Variants in SEMA3E observed in about 807,000 individuals in gnomAD.
SEMA3E encodes semaphorin-3E.
A neutral mutation model predicts 93.6 loss-of-function variants in SEMA3E; 49 were observed. That is an observed-to-expected ratio of 0.52 (90% CI 0.42 to 0.66). The LOEUF (loss-of-function observed/expected upper bound fraction) is 0.66, where lower values mean the gene tolerates loss of function less well. Among genes scored for constraint, SEMA3E ranks in the 30% least tolerant of loss-of-function variants. The pLI is 0.00. For synonymous variants in SEMA3E, 363 were observed against 330.7 expected (o/e 1.10, Z -1.06); for missense variants, 906 against 964.8 (o/e 0.94, Z 0.81).
At chr7:83,396,857 T>A in intron 11 of SEMA3E, 128 bp from the exon 12 acceptor site, 1 of 644,230 alleles carries the variant, frequency 1.6e-6, no homozygotes, top group Non-Finnish European at 2.8e-6. Context: ...GATGGGTGTA[T>A]CTCTTGAGGT....
At chr7:83,372,871 A>C (rs1394701868) in intron 16 of SEMA3E, 1 of 152,136 alleles carries the variant, frequency 6.6e-6, no homozygotes, top group African/African-American at 2.4e-5. Flanking sequence ...AATGACTTAG[A>C]AATTTGTATC....
intron 1 of SEMA3E, among the ~76,000 whole-genome samples, chr7:83,581,695 T>C (rs755711786): frequency 2.0e-5 from 3 of 151,988 alleles, no homozygotes; most frequent in Non-Finnish European, 2.9e-5. Flanking sequence ...AAGTGATAAT[T>C]TCAATCTGGA....
At chr7:83,595,061 T>A (rs1584353407) in intron 1 of SEMA3E, among the ~76,000 whole-genome samples, 1 of 151,900 alleles carries the variant, frequency 6.6e-6, no homozygotes, top group East Asian at 1.9e-4. Flanking sequence ...ATCACCAGGT[T>A]GAGGGTAAAG....
intron 2 of SEMA3E, among the ~76,000 whole-genome samples, chr7:83,476,161 A>T (rs78929135): frequency 6.6e-6 from 1 of 152,176 alleles, no homozygotes; most frequent in African/African-American, 2.4e-5. Flanking sequence ...TTCAACGTCC[A>T]TTGATTGGCT....
intron 1 of SEMA3E, among the ~76,000 whole-genome samples, chr7:83,626,359 A>G (rs1230809848): frequency 6.6e-6 from 1 of 152,134 alleles, no homozygotes. Flanking sequence ...ATGGTAGGCT[A>G]TTAATTACTG....
chr7:83,600,515 T>TG, intron 1 of SEMA3E, among the ~76,000 whole-genome samples: 1 of 129,454 alleles, frequency 7.7e-6, no homozygotes, highest in Non-Finnish European at 1.6e-5. Context: ...TTTTTTTTTT[T>TG]TTTTTGTATT....
At chr7:83,434,890 T>G (rs957054661) in intron 4 of SEMA3E, among the ~76,000 whole-genome samples, 13 of 151,384 alleles carry the variant, frequency 8.6e-5, no homozygotes, top group African/African-American at 3.2e-4. Flanking sequence ...ATTTTTTGTA[T>G]TTTTAGTAGA....
chr7:83,606,847 T>A (rs1308526378), intron 1 of SEMA3E, among the ~76,000 whole-genome samples: 1 of 152,178 alleles, frequency 6.6e-6, no homozygotes, highest in Admixed American at 6.6e-5. Flanking sequence ...CATATTATAT[T>A]GTGGCCAATA....
rs150686811 is a variant in SEMA3E at position 83,582,027 on chromosome 7, C to T, written c.115+66401G>A. 4.6e-5 allele frequency among the ~76,000 whole-genome samples: 7 copies of T among 152,012 alleles called. No homozygotes were observed. The East Asian group carries it at 1.4e-3, about 29-fold the overall frequency. On this transcript the variant is annotated intron_variant, in intron 1 of 16. Coordinates refer to ENST00000643230, the MANE Select transcript of SEMA3E (RefSeq NM_012431.3). ...AGAATACTGAAGTGTTTAAGGCAGG[C>T]TTAATGAGGGATCATAACTCTACAC...
rs375271769 is a variant in SEMA3E, at chr7:83,544,126, C to T, written c.116-53852G>A. On this transcript the variant is annotated intron_variant, in intron 1 of 16. Coordinates refer to ENST00000643230, the MANE Select transcript of SEMA3E (RefSeq NM_012431.3). ...TCCTGAAACATGTTGGAAATAGGCA[C>T]CTGTATCATTGCCCAGTAGAAAATA... 5.9e-5 allele frequency among the ~76,000 whole-genome samples: 9 copies of T among 152,108 alleles called. 1 individual carries two copies. Among genetic ancestry groups the T allele is most frequent in the Admixed American group, 6.6e-5 (1 of 15,238 alleles).
intron 2 of SEMA3E, among the ~76,000 whole-genome samples, chr7:83,481,997 A>G (rs1790154346): frequency 6.6e-6 from 1 of 152,148 alleles, no homozygotes; most frequent in South Asian, 2.1e-4. Context: ...GGAGAGTTTC[A>G]AAAAGTACCA....
chr7:83,392,665 A>G lies in SEMA3E; in HGVS notation c.1557T>C (p.Cys519=), dbSNP rs1255859450. Residue 519 remains cysteine (C), a synonymous_variant, in exon 14 of 17, where the codon TGT becomes TGC. Coordinates refer to ENST00000643230, the MANE Select transcript of SEMA3E (RefSeq NM_012431.3). ...SAVAQVRFHH[C]DMYGSACADC... ...CAGCACAAGCACTTCCATACATGTC[A>G]CAGTGATGGAATCTGACTTGAGCCA... is the stretch of plus-strand genomic sequence containing the variant. 1 of 1,613,686 alleles carries G rather than the reference A, an allele frequency of 6.2e-7. No individual in the cohort carries two copies.
At chr7:83,587,101 T>TA (rs1197187404) in intron 1 of SEMA3E, among the ~76,000 whole-genome samples, 2 of 152,144 alleles carry the variant, frequency 1.3e-5, no homozygotes, top group Admixed American at 6.6e-5. Flanking sequence ...AAGAGAAACT[T>TA]AAAGATTTTC....
chr7:83,402,856 A>G, intron 9 of SEMA3E, 80 bp from the exon 10 acceptor site: 1 of 1,385,764 alleles, frequency 7.2e-7, no homozygotes, highest in Non-Finnish European at 1.0e-6. Flanking sequence ...CTACAAAGAT[A>G]AGAGTCAAGT....
chr7:83,557,071 A>G (rs1252732610), intron 1 of SEMA3E, among the ~76,000 whole-genome samples: 2 of 152,224 alleles, frequency 1.3e-5, no homozygotes, highest in Non-Finnish European at 2.9e-5. Context: ...TTATAGCAGC[A>G]TAAACCAATT....
intron 1 of SEMA3E, among the ~76,000 whole-genome samples, chr7:83,549,434 T>G (rs2115794919): frequency 6.6e-6 from 1 of 152,262 alleles, no homozygotes; most frequent in Admixed American, 6.5e-5. Context: ...GTCTTTGACA[T>G]TTGTCACTAT....
chr7:83,641,393 T>A (rs1794007220), intron 1 of SEMA3E: 2 of 985,316 alleles, frequency 2.0e-6, no homozygotes, highest in Admixed American at 1.2e-4. Context: ...AAACAACACA[T>A]GCTGAGCTGA....
intron 1 of SEMA3E, among the ~76,000 whole-genome samples, chr7:83,490,819 A>T (rs1045884788): frequency 6.6e-6 from 1 of 151,994 alleles, no homozygotes; most frequent in Non-Finnish European, 1.5e-5. Flanking sequence ...AATCATTGCA[A>T]TTTTTGCTAA....
chr7:83,506,509 G>A (rs1023080424), intron 1 of SEMA3E, among the ~76,000 whole-genome samples: 2 of 150,930 alleles, frequency 1.3e-5, no homozygotes, highest in African/African-American at 2.4e-5. Context: ...GATGGTTAAT[G>A]GATAAAAAAA....
Sources: allele counts gnomAD v4.1 joint callset (sites outside exome capture counted in the v4.1 genomes callset), GRCh38; gene constraint gnomAD v4.1.1; transcripts MANE v1.5; gene names NCBI Gene and HGNC (gene_info 2026-07-23, HGNC 2026-07-21).